Variants in SCN9A observed in about 807,000 individuals in gnomAD.
SCN9A encodes sodium voltage-gated channel alpha subunit 9, also known as sodium channel protein type 9 subunit alpha.
A neutral mutation model predicts 187.0 loss-of-function variants in SCN9A; 131 were observed. That is an observed-to-expected ratio of 0.70 (90% confidence interval 0.61 to 0.81). The LOEUF (loss-of-function observed/expected upper bound fraction) is 0.81. Ranked by LOEUF, SCN9A falls within the 30% of genes least tolerant of loss-of-function variation. SCN9A has a pLI of 0.00. For synonymous variants in SCN9A, 809 were observed against 808.6 expected (o/e 1.00, Z -0.01); for missense variants, 2,252 against 2,396.6 (o/e 0.94, Z 1.26).
At chr2:166,275,786 T>G (rs1330800820) in intron 16 of SCN9A, among the ~76,000 whole-genome samples, 2 of 152,212 alleles carry the variant, frequency 1.3e-5, no homozygotes, top group Non-Finnish European at 2.9e-5. Context: ...ATATTTTTTG[T>G]GCAGTAAAAA....
At chr2:166,318,827 A>G (rs1467039869) in intron 1 of SCN9A, among the ~76,000 whole-genome samples, 1 of 152,158 alleles carries the variant, frequency 6.6e-6, no homozygotes, top group African/African-American at 2.4e-5. Flanking sequence ...AAATGCATGG[A>G]GTTCTATATC....
chr2:166,365,005 T>C (rs531302114), intron 1 of SCN9A, among the ~76,000 whole-genome samples: 2 of 152,294 alleles, frequency 1.3e-5, no homozygotes, highest in Non-Finnish European at 2.9e-5. Context: ...TTTATATCTA[T>C]GCAGTACCAC....
At position 166,286,544 on chromosome 2, in the gene SCN9A, G is replaced by T. The variant is rs1412400298; in HGVS notation, c.1394C>A (p.Thr465Lys). 1 of 1,609,242 alleles carries T rather than the reference G, an allele frequency of 6.2e-7. No homozygotes were observed. Among genetic ancestry groups the T allele is most frequent in the Non-Finnish European group, 8.5e-7 (1 of 1,178,522 alleles). The change falls in exon 11 of 27, where the codon ACA becomes AAA. Residue 465 changes from threonine to lysine, a missense_variant. By Grantham distance (78) the Thr-to-Lys change is moderately conservative. Transcript: ENST00000642356. ...IMGLSESSSE[T>K]SKLSSKSAKE... The stretch of plus-strand genomic sequence containing the variant: ...AGCACTTTTAGAGCTCAGTTTGGAT[G>T]TTTCAGAAGAACTCTCTGAGAGGCC...
chr2:166,217,687 G>A (rs1401568959), intron 24 of SCN9A, among the ~76,000 whole-genome samples: 1 of 151,978 alleles, frequency 6.6e-6, no homozygotes, highest in Non-Finnish European at 1.5e-5. Context: ...TCCTAGAATG[G>A]CTGTTATCAA....
intron 1 of SCN9A, among the ~76,000 whole-genome samples, chr2:166,345,362 A>G (rs1428764294): frequency 6.6e-6 from 1 of 152,162 alleles, no homozygotes; most frequent in East Asian, 1.9e-4. Context: ...AATTTTTTCT[A>G]TAACAATTAG....
In SCN9A at chr2:166,197,335, A is replaced by G. The variant is rs1693274228; in HGVS notation, c.*1337T>C. The G allele has an allele frequency of 6.6e-6, 1 of 152,178 alleles. No individual in the cohort carries two copies. The highest frequency in any genetic ancestry group is 2.1e-4 in the South Asian group (1 of 4,832). 9.4% of individuals were successfully genotyped at this position (152,178 alleles called of 1,614,324 possible). A position where few individuals can be genotyped will look rare whatever the true frequency, so the allele number is the denominator to read the frequency against. ...CTAATGCAAAATGAATATGTGCTTG[A>G]TAAATTAGAAGCCCATGGTACTGTG... On this transcript the variant is annotated 3_prime_UTR_variant, in exon 27 of 27. Transcript: ENST00000642356.
At chr2:166,219,516 T>C (rs186372730) in intron 24 of SCN9A, among the ~76,000 whole-genome samples, 323 of 151,940 alleles carry the variant, frequency 2.1e-3, no homozygotes, top group African/African-American at 7.5e-3. Context: ...GGGAGCTAAA[T>C]GATGAGAACA....
chr2:166,361,092 T>C (rs1230536619), intron 1 of SCN9A, among the ~76,000 whole-genome samples: 3 of 152,164 alleles, frequency 2.0e-5, no homozygotes, highest in Non-Finnish European at 2.9e-5. Context: ...AGTTCTTATA[T>C]AGCAAACCGG....
chr2:166,219,959 T>G (rs1213363327), intron 24 of SCN9A, among the ~76,000 whole-genome samples: 1 of 152,102 alleles, frequency 6.6e-6, no homozygotes, highest in Non-Finnish European at 1.5e-5. Flanking sequence ...TGAACAAATA[T>G]TTAAACAGAA....
At chr2:166,219,763 A>G (rs562813309) in intron 24 of SCN9A, among the ~76,000 whole-genome samples, 2 of 152,286 alleles carry the variant, frequency 1.3e-5, no homozygotes, top group South Asian at 4.1e-4. Context: ...AGGAAATGAA[A>G]AAAATAAATG....
At chr2:166,302,314 G>C (rs1163816499) in intron 7 of SCN9A, 1 of 152,156 alleles carries the variant, frequency 6.6e-6, no homozygotes, top group Non-Finnish European at 1.5e-5. Context: ...GGGGATAATT[G>C]TTTAGAGAAC....
chr2:166,286,201 G>A (rs1697732916), intron 11 of SCN9A, 135 bp downstream of exon 11: 1 of 791,664 alleles, frequency 1.3e-6, no homozygotes, highest in Non-Finnish European at 2.0e-6. Context: ...AATGCCTAGC[G>A]ATACTAGGTT....
In SCN9A at chr2:166,293,279, G is replaced by C. The variant is rs780906119; in HGVS notation, c.1059C>G (p.Ala353=). 6.3e-7 allele frequency: 1 copy of C among 1,597,124 alleles called. No individual in the cohort carries two copies. Among genetic ancestry groups the C allele is most frequent in the Non-Finnish European group, 8.5e-7 (1 of 1,170,808 alleles). ...SFDTFSWAFL[A]LFRLMTQDYW... ...AATCTTGGGTCATTAGCCTAAACAA[G>C]GCTAAGAAGGCCCAGCTGAAAGTGT... The change falls in exon 9 of 27, where the codon GCC becomes GCG. Residue 353 remains alanine (A), a synonymous_variant. Transcript: ENST00000642356.
chr2:166,340,663 C>T (rs945188881), intron 1 of SCN9A, among the ~76,000 whole-genome samples: 2 of 150,886 alleles, frequency 1.3e-5, no homozygotes, highest in Non-Finnish European at 1.5e-5. Flanking sequence ...CTGTGTCACC[C>T]AGGCTGTAGT....
At chr2:166,367,261 T>A (rs1348569773) in intron 1 of SCN9A, among the ~76,000 whole-genome samples, 1 of 151,692 alleles carries the variant, frequency 6.6e-6, no homozygotes, top group Non-Finnish European at 1.5e-5. Context: ...ATCCTAGACA[T>A]TTTTTTAATT....
intron 21 of SCN9A, among the ~76,000 whole-genome samples, chr2:166,231,602 A>G (rs1574767467): frequency 8.3e-6 from 1 of 121,066 alleles, no homozygotes; most frequent in Non-Finnish European, 1.6e-5. Context: ...CCCAGGCTGG[A>G]GTGCAGTTGC....
At chr2:166,292,368 T>C (rs968851715) in intron 9 of SCN9A, among the ~76,000 whole-genome samples, 2 of 152,184 alleles carry the variant, frequency 1.3e-5, no homozygotes, top group African/African-American at 4.8e-5. Context: ...TTAATTTTTT[T>C]ATTTGTGTTT....
intron 20 of SCN9A, among the ~76,000 whole-genome samples, 199 bp downstream of exon 20, chr2:166,237,895 G>T (rs1331333097): frequency 6.6e-6 from 1 of 152,056 alleles, no homozygotes; most frequent in African/African-American, 2.4e-5. Flanking sequence ...TACATTTGTT[G>T]AACGATTTCT....
At chr2:166,329,693 G>C (rs1173232593) in intron 1 of SCN9A, among the ~76,000 whole-genome samples, 2 of 152,098 alleles carry the variant, frequency 1.3e-5, no homozygotes, top group African/African-American at 4.8e-5. Context: ...GTCTGTTGGG[G>C]AAAACCAGCA....
Sources: gnomAD v4.1 joint callset for allele counts (sites outside exome capture counted in the v4.1 genomes callset) on GRCh38, gnomAD v4.1.1 for gene constraint, MANE v1.5 for transcripts, NCBI Gene and HGNC (gene_info 2026-07-23, HGNC 2026-07-21) for gene names.